The following KLHL22 variants were observed in gnomAD, a reference collection of about 807,000 sequenced individuals.
KLHL22 encodes kelch-like protein 22.
KLHL22 carries 18 observed loss-of-function variants against 60.7 expected under a neutral mutation model. That is an observed-to-expected ratio of 0.30 (90% CI 0.20 to 0.44). The LOEUF is 0.44. Ranked by LOEUF, KLHL22 falls within the 20% of genes least tolerant of loss-of-function variation. The probability of loss-of-function intolerance (pLI) is 1.00; values close to 1 mark genes in which losing one functional copy is unlikely to be tolerated. For missense variants in KLHL22, 596 were observed against 852.3 expected, an observed-to-expected ratio of 0.70 and a Z score of 3.74; for synonymous variants, 355 against 354.5, an observed-to-expected ratio of 1.00 and a Z score of -0.01.
intron 2 of KLHL22, chr22:20,482,812 G>T: frequency 8.1e-7 from 1 of 1,231,090 alleles, no homozygotes; most frequent in Non-Finnish European, 1.2e-6. Flanking sequence ...TGCTTCTGGT[G>T]GCTTAATGTC....
chr22:20,445,576 G>A (rs902904281), intron 6 of KLHL22, among the ~76,000 whole-genome samples: 1 of 152,104 alleles, frequency 6.6e-6, no homozygotes, highest in Non-Finnish European at 1.5e-5. Flanking sequence ...TTGTTCTGTT[G>A]TTTTGTTTTA....
At chr22:20,494,584 T>A (rs2053740697) in intron 1 of KLHL22, among the ~76,000 whole-genome samples, 1 of 152,164 alleles carries the variant, frequency 6.6e-6, no homozygotes, top group South Asian at 2.1e-4. Flanking sequence ...TTTCACCATG[T>A]TGGCCAGGCT....
rs949536908 is a variant in KLHL22, at chr22:20,482,777, G to T, written c.227+6208C>A. On this transcript the variant is annotated intron_variant, in intron 2 of 6. Transcript: ENST00000328879. ...TTTTTGACCTCTGAACTTTTTATTG[G>T]CCTCCTGCTCCCCAAAGGATACCCT... 84 of 993,540 alleles carry T rather than the reference G, an allele frequency of 8.5e-5. No individual in the cohort carries two copies. The African/African-American group carries it at 1.3e-3, about 15-fold the overall frequency. The allele number at this position is 993,540 out of a possible 1,614,324, so 61.5% of individuals were successfully genotyped here.
intron 3 of KLHL22, among the ~76,000 whole-genome samples, chr22:20,466,372 T>TAAAAAAAA (rs361874): frequency 1.4e-5 from 1 of 70,604 alleles, no homozygotes; most frequent in Non-Finnish European, 2.6e-5. Context: ...AGACTCCGTC[T>TAAAAAAAA]AAAAAAAAAA....
chr22:20,444,769 G>C (rs1393656443), intron 6 of KLHL22, among the ~76,000 whole-genome samples: 2 of 131,582 alleles, frequency 1.5e-5, no homozygotes, highest in African/African-American at 5.0e-5. Flanking sequence ...ATGGGATATG[G>C]GATGCTCTTT....
intron 5 of KLHL22, chr22:20,450,696 A>G: frequency 6.9e-7 from 1 of 1,454,592 alleles, no homozygotes; most frequent in Non-Finnish European, 9.7e-7. Context: ...TGGATCCTGA[A>G]GAACCAGTCT....
intron 1 of KLHL22, among the ~76,000 whole-genome samples, chr22:20,493,736 C>T (rs937401987): frequency 6.6e-6 from 1 of 151,960 alleles, no homozygotes; most frequent in South Asian, 2.1e-4. Flanking sequence ...TGCGAGACTC[C>T]GTCTCAAAAA....
intron 5 of KLHL22, among the ~76,000 whole-genome samples, chr22:20,447,544 CTTT>C (rs11463939): frequency 2.2e-5 from 3 of 135,460 alleles, no homozygotes. Flanking sequence ...GGAGGTTTTT[CTTT>C]TTTTTTTTTT....
Position 20,471,213 on chromosome 22 carries a change from T to C in KLHL22, c.393+137A>G, listed in dbSNP as rs995321413. On this transcript the variant is annotated intron_variant, in intron 3 of 6. Coordinates refer to ENST00000328879, the MANE Select transcript of KLHL22 (RefSeq NM_032775.4). The stretch of plus-strand genomic sequence containing the variant: ...CAACTCCAGAGTCTTCCCCACTTCA[T>C]GGCCTTCGTCACTGCTTGGTCTCCT... 1.2e-5 allele frequency: 9 copies of C among 775,214 alleles called. No homozygotes were observed. In the African/African-American group the frequency reaches 1.2e-4, roughly 11 times the overall value. 48.0% of individuals were successfully genotyped at this position (775,214 alleles called of 1,614,324 possible).
intron 2 of KLHL22, chr22:20,483,077 T>C: frequency 1.5e-6 from 1 of 659,662 alleles, no homozygotes; most frequent in South Asian, 1.7e-5. Context: ...TGACTCCAGG[T>C]GCAGCAGGAT....
chr22:20,442,404 G>T lies in KLHL22; in HGVS notation c.1574C>A (p.Ser525Ter). The T allele has an allele frequency of 1.2e-6, 2 of 1,611,514 alleles. No homozygotes were observed. The highest frequency in any genetic ancestry group is 2.2e-5 in the South Asian group (2 of 90,712). Residue 525 changes from serine (S) to a stop codon, truncating the protein, a stop_gained, in exon 7 of 7, where the codon TCA becomes TAA. Transcript: ENST00000328879. LOFTEE classifies it high-confidence loss of function. ...ACYSCTSGQWSSVCPLPAGHG... is the reference protein window; with the variant it reads ...ACYSCTSGQW ...CCCAGCAGGGAGTGGGCAGACAGAT[G>T]ACCACTGTCCAGACGTGCAGCTGTA...
chr22:20,467,732 C>T (rs1427229329), intron 3 of KLHL22, among the ~76,000 whole-genome samples: 1 of 152,178 alleles, frequency 6.6e-6, no homozygotes. Context: ...GATCTCGGCT[C>T]ACTGCAAGCT....
chr22:20,458,232 T>TTAG (rs2053095223), intron 4 of KLHL22, among the ~76,000 whole-genome samples: 1 of 150,692 alleles, frequency 6.6e-6, no homozygotes, highest in South Asian at 2.1e-4. Flanking sequence ...AGGAGCCTCC[T>TTAG]GTGTTTCCAC....
intron 5 of KLHL22, chr22:20,451,798 GGT>G (rs2052984009): frequency 1.2e-6 from 2 of 1,602,640 alleles, no homozygotes; most frequent in South Asian, 2.2e-5. Context: ...CTGTGATGCT[GGT>G]GTGTGTGTTC....
intron 4 of KLHL22, among the ~76,000 whole-genome samples, chr22:20,463,831 G>A (rs775973843): frequency 3.9e-5 from 6 of 152,148 alleles, no homozygotes; most frequent in Non-Finnish European, 8.8e-5. Flanking sequence ...TAGAGAGGTC[G>A]CTGAGAAATG....
In KLHL22 at chr22:20,474,347, C is replaced by T. The variant is rs577401285; in HGVS notation, c.228-2832G>A. On this transcript the variant is annotated intron_variant, in intron 2 of 6. Coordinates refer to ENST00000328879, the MANE Select transcript of KLHL22 (RefSeq NM_032775.4). ...TTGGAGACTGATCCATGCCCATGTA[C>T]GCAAGACTGCCTCACTCTTTGCAAA... Among the ~76,000 whole-genome samples, 57 of 152,142 alleles carry T rather than the reference C, an allele frequency of 3.7e-4. 1 individual carries two copies. The South Asian group carries it at 0.01, about 27-fold the overall frequency.
chr22:20,455,148 G>A (rs1275836539), intron 5 of KLHL22, among the ~76,000 whole-genome samples: 1 of 152,182 alleles, frequency 6.6e-6, no homozygotes, highest in Non-Finnish European at 1.5e-5. Context: ...CTCCCAAAGT[G>A]CTGGGATTAC....
chr22:20,450,273 G>A (rs1006940747), intron 5 of KLHL22: 3 of 959,156 alleles, frequency 3.1e-6, no homozygotes, highest in Non-Finnish European at 5.2e-6. Context: ...GATTGTGCTG[G>A]CTGCCTGTAG....
chr22:20,489,631 G>C, intron 1 of KLHL22: 1 of 465,562 alleles, frequency 2.1e-6, no homozygotes, highest in Non-Finnish European at 4.3e-6. Flanking sequence ...TACCCCATTG[G>C]GGTATTCTAA....
Sources: allele counts gnomAD v4.1 joint callset (sites outside exome capture counted in the v4.1 genomes callset), GRCh38; gene constraint gnomAD v4.1.1; transcripts MANE v1.5; gene names NCBI Gene and HGNC (gene_info 2026-07-23, HGNC 2026-07-21).